TNR: variants seen among roughly 807,000 people sequenced by gnomAD.
TNR encodes the protein tenascin R.
TNR carries 45 observed loss-of-function variants against 150.4 expected under a neutral mutation model. The observed-to-expected ratio is 0.30, with a 90% CI of 0.24 to 0.38. TNR has a LOEUF of 0.38. Ranked by LOEUF, TNR falls within the 10% of genes least tolerant of loss-of-function variation. TNR has a pLI of 1.00. For missense variants in TNR, 1,544 were observed against 1,759.1 expected, an observed-to-expected ratio of 0.88 and a Z score of 2.19; for synonymous variants, 687 against 678.4, an observed-to-expected ratio of 1.01 and a Z score of -0.20.
intron 1 of TNR, among the ~76,000 whole-genome samples, chr1:175,612,362 C>A (rs1663625228): frequency 6.6e-6 from 1 of 152,226 alleles, no homozygotes; most frequent in Middle Eastern, 3.2e-3. Context: ...CTCTTTCTTG[C>A]AAAGGCAGCC....
intron 2 of TNR, among the ~76,000 whole-genome samples, chr1:175,407,162 C>T (rs772487682): frequency 6.6e-6 from 1 of 152,132 alleles, no homozygotes; most frequent in Non-Finnish European, 1.5e-5. Flanking sequence ...ACCAGGGAGC[C>T]TTGGGTGTCC....
At chr1:175,393,961 G>A in intron 5 of TNR, 66 bp from the exon 6 acceptor site, 1 of 1,297,838 alleles carries the variant, frequency 7.7e-7, no homozygotes, top group Non-Finnish European at 1.1e-6. Flanking sequence ...ATTGCCTGGT[G>A]CTTTGTCTTG....
At chr1:175,633,619 A>G (rs960542088) in intron 1 of TNR, among the ~76,000 whole-genome samples, 1 of 152,226 alleles carries the variant, frequency 6.6e-6, no homozygotes, top group South Asian at 2.1e-4. Context: ...GAGTTGATTT[A>G]ATCGCAAATG....
intron 1 of TNR, among the ~76,000 whole-genome samples, chr1:175,575,486 G>T (rs543875845): frequency 6.6e-6 from 1 of 152,290 alleles, no homozygotes; most frequent in Non-Finnish European, 1.5e-5. Context: ...TCACAGCCTG[G>T]TTGACGAACA....
chr1:175,397,420 T>C (rs1226300330), intron 4 of TNR, among the ~76,000 whole-genome samples: 1 of 152,166 alleles, frequency 6.6e-6, no homozygotes, highest in Non-Finnish European at 1.5e-5. Context: ...AGCCAGGTTG[T>C]TAGGTATTTA....
At chr1:175,556,111 C>A (rs941274730) in intron 1 of TNR, among the ~76,000 whole-genome samples, 1 of 152,248 alleles carries the variant, frequency 6.6e-6, no homozygotes, top group Non-Finnish European at 1.5e-5. Flanking sequence ...AGAAGACCGA[C>A]GGCCTTTTTG....
chr1:175,391,197 T>C, intron 7 of TNR, 91 bp downstream of exon 7: 1 of 1,507,338 alleles, frequency 6.6e-7, no homozygotes, highest in Non-Finnish European at 9.0e-7. Flanking sequence ...TTCTAGCACC[T>C]CTGTTGTCTC....
chr1:175,705,145 G>A (rs751246866), intron 1 of TNR, among the ~76,000 whole-genome samples: 54 of 151,086 alleles, frequency 3.6e-4, no homozygotes, highest in Non-Finnish European at 6.6e-4. Context: ...ACTTCCCATA[G>A]CACCTGGTTC....
chr1:175,722,883 C>T (rs1358841316), intron 1 of TNR, among the ~76,000 whole-genome samples: 2 of 152,048 alleles, frequency 1.3e-5, no homozygotes, highest in Non-Finnish European at 2.9e-5. Context: ...CTTCTGCCTC[C>T]TGGGTTCAAA....
chr1:175,657,877 A>ATG (rs1211517818), intron 1 of TNR, among the ~76,000 whole-genome samples: 17 of 128,684 alleles, frequency 1.3e-4, no homozygotes, highest in Non-Finnish European at 2.4e-4. Flanking sequence ...ATATATATAT[A>ATG]TATATATGTA....
At chr1:175,657,883 A>ATATATATATATATGTGTGTG (rs1464419575) in intron 1 of TNR, among the ~76,000 whole-genome samples, 1 of 101,134 alleles carries the variant, frequency 9.9e-6, no homozygotes, top group Non-Finnish European at 2.0e-5. Flanking sequence ...ATATATATAT[A>ATATATATATATATGTGTGTG]TGTAACAAAC....
chr1:175,415,407 T>C (rs1335940753), intron 2 of TNR, among the ~76,000 whole-genome samples: 1 of 152,186 alleles, frequency 6.6e-6, no homozygotes, highest in Admixed American at 6.5e-5. Context: ...CAGACAGGAC[T>C]CCATGGCTGG....
chr1:175,690,741 G>A (rs542772303), intron 1 of TNR, among the ~76,000 whole-genome samples: 5 of 152,324 alleles, frequency 3.3e-5, no homozygotes, highest in African/African-American at 7.2e-5. Flanking sequence ...CTGGCTTTGC[G>A]CAGAGAAGTA....
intron 17 of TNR, among the ~76,000 whole-genome samples, chr1:175,355,276 G>A (rs1216560125): frequency 4.6e-5 from 7 of 152,170 alleles, no homozygotes; most frequent in South Asian, 2.1e-4. Flanking sequence ...CTCAACTTAC[G>A]TAGAGAGTAG....
chr1:175,377,637 G>A (rs1279205590), intron 9 of TNR, among the ~76,000 whole-genome samples: 1 of 152,018 alleles, frequency 6.6e-6, no homozygotes, highest in Non-Finnish European at 1.5e-5. Context: ...GTCTGGAAAA[G>A]GCATTTATTA....
At chr1:175,489,494 T>A (rs149377343) in intron 2 of TNR, among the ~76,000 whole-genome samples, 11 of 152,356 alleles carry the variant, frequency 7.2e-5, no homozygotes, top group Non-Finnish European at 5.9e-5. Flanking sequence ...GCGTGTGATT[T>A]CCTTCAGAAG....
chr1:175,579,702 A>C (rs7551767), intron 1 of TNR, among the ~76,000 whole-genome samples: 18,444 of 151,170 alleles, frequency 0.12, 1,411 homozygotes, highest in African/African-American at 0.22. Context: ...ATAGAGAAGA[A>C]ATGGGGTAGG....
At chr1:175,544,911 C>G (rs1660629190) in intron 1 of TNR, among the ~76,000 whole-genome samples, 1 of 152,202 alleles carries the variant, frequency 6.6e-6, no homozygotes, top group Non-Finnish European at 1.5e-5. Context: ...GTGATAGACA[C>G]TATACCCAAG....
intron 2 of TNR, among the ~76,000 whole-genome samples, chr1:175,515,038 C>A (rs1409667380): frequency 6.6e-6 from 1 of 152,142 alleles, no homozygotes; most frequent in Non-Finnish European, 1.5e-5. Context: ...CGTTCCGGGC[C>A]AAGTCTTCAC....
Sources: allele counts gnomAD v4.1 joint callset (sites outside exome capture counted in the v4.1 genomes callset), GRCh38; gene constraint gnomAD v4.1.1; transcripts MANE v1.5; gene names NCBI Gene and HGNC (gene_info 2026-07-23, HGNC 2026-07-21).